Variants in PAFAH1B2 observed in about 807,000 individuals in gnomAD.
PAFAH1B2 encodes platelet-activating factor acetylhydrolase IB subunit alpha2.
In PAFAH1B2, 8 loss-of-function variants were observed where a neutral mutation model predicts 28.0. The observed-to-expected ratio is 0.29, with a 90% CI of 0.17 to 0.52. The LOEUF (loss-of-function observed/expected upper bound fraction) is 0.52. Among genes scored for constraint, PAFAH1B2 ranks in the 20% least tolerant of loss-of-function variants. PAFAH1B2 has a pLI of 0.97. For synonymous variants in PAFAH1B2, 104 were observed against 103.2 expected (o/e 1.01, Z -0.05); for missense variants, 190 against 282.6 (o/e 0.67, Z 2.35).
intron 5 of PAFAH1B2, among the ~76,000 whole-genome samples, chr11:117,164,966 T>C (rs977802123): frequency 6.7e-6 from 1 of 149,644 alleles, no homozygotes. Flanking sequence ...TTCTTTTTTT[T>C]TTTTTTTGAG....
Position 117,168,488 on chromosome 11 carries a change from A to C in PAFAH1B2, c.*789A>C. On this transcript the variant is annotated 3_prime_UTR_variant, in exon 6 of 6. Transcript: ENST00000527958. Reference sequence around the variant, plus strand: ...TTTTTTTTTGGTTCTTGTTGACATTACAAGCTTTTAACACATTTTTGACCT... The same window carrying C: ...TTTTTTTTTGGTTCTTGTTGACATTCCAAGCTTTTAACACATTTTTGACCT... 5 of 519,304 alleles carry C rather than the reference A, an allele frequency of 9.6e-6. No homozygotes were observed. Among genetic ancestry groups the C allele is most frequent in the Non-Finnish European group, 1.1e-5 (5 of 443,062 alleles). The allele number at this position is 519,304 out of a possible 1,614,324, so 32.2% of individuals were successfully genotyped here. A position where few individuals can be genotyped will look rare whatever the true frequency, so the allele number is the denominator to read the frequency against.
chr11:117,159,844 G>C (rs967596828), intron 2 of PAFAH1B2, 90 bp from the exon 3 acceptor site: 2 of 857,682 alleles, frequency 2.3e-6, no homozygotes, highest in East Asian at 4.8e-5. Flanking sequence ...TCCTGTCCTG[G>C]CCTCCCAAAA....
At chr11:117,172,341 T>G (rs1956666414), downstream of PAFAH1B2, among the ~76,000 whole-genome samples, 1 of 130,124 alleles carries the variant, frequency 7.7e-6, no homozygotes, top group Non-Finnish European at 1.7e-5. Context: ...GCTGGTTCAT[T>G]CTAGCTTTAT....
chr11:117,163,738 T>A, intron 4 of PAFAH1B2, 32 bp from the exon 5 acceptor site: 2 of 1,609,894 alleles, frequency 1.2e-6, no homozygotes, highest in Non-Finnish European at 1.7e-6. Context: ...GGTATTTATC[T>A]TCTCCTTCCC....
chr11:117,170,920 C>A lies in PAFAH1B2; in HGVS notation c.*3221C>A. 1 of 1,058,794 alleles carries A rather than the reference C, an allele frequency of 9.4e-7. No homozygotes were observed. Among genetic ancestry groups the A allele is most frequent in the Non-Finnish European group, 1.1e-6 (1 of 875,158 alleles). The allele number at this position is 1,058,794 out of a possible 1,614,324, so 65.6% of individuals were successfully genotyped here. ...TCTTGGTGTTCCTGCTTGGGGATCA[C>A]TGCTGCTAGCTGACTGGACCTCCCC... is the stretch of plus-strand genomic sequence containing the variant. On this transcript the variant is annotated 3_prime_UTR_variant, in exon 6 of 6. Transcript: ENST00000527958.
downstream of PAFAH1B2, among the ~76,000 whole-genome samples, chr11:117,174,164 T>TTGTGTGTGTGTGTG (rs55735449): frequency 0.026 from 3,548 of 138,840 alleles, 64 homozygotes; most frequent in Non-Finnish European, 0.035. Context: ...TTCATGTCTT[T>TTGTGTGTGTGTGTG]TGTGTGTGTG....
downstream of PAFAH1B2, among the ~76,000 whole-genome samples, chr11:117,174,537 G>A (rs1162728645): frequency 7.0e-6 from 1 of 143,510 alleles, no homozygotes; most frequent in Non-Finnish European, 1.5e-5. Context: ...GGCATGCAAT[G>A]GCGTGATCTC....
intron 2 of PAFAH1B2, among the ~76,000 whole-genome samples, chr11:117,156,673 A>C (rs905809625): frequency 2.6e-5 from 4 of 152,168 alleles, no homozygotes; most frequent in African/African-American, 9.7e-5. Flanking sequence ...AACCTTTAGC[A>C]TAGCAGTCTT....
intron 4 of PAFAH1B2, 60 bp from the exon 5 acceptor site, chr11:117,163,710 G>A: frequency 6.6e-7 from 1 of 1,519,818 alleles, no homozygotes; most frequent in Non-Finnish European, 9.0e-7. Flanking sequence ...CTAAATGTTG[G>A]ACGTTCCTTT....
chr11:117,150,700 A>G (rs1336285690), intron 1 of PAFAH1B2, among the ~76,000 whole-genome samples: 1 of 152,150 alleles, frequency 6.6e-6, no homozygotes, highest in African/African-American at 2.4e-5. Context: ...CTTCTTTCTG[A>G]GAAAGCTTAG....
At chr11:117,157,999 ATGG>A (rs1565266727) in intron 2 of PAFAH1B2, among the ~76,000 whole-genome samples, 1 of 151,982 alleles carries the variant, frequency 6.6e-6, no homozygotes, top group African/African-American at 2.4e-5. Flanking sequence ...TTAGCTGGGC[ATGG>A]TGGTGGGCGC....
intron 2 of PAFAH1B2, 56 bp downstream of exon 2, chr11:117,152,584 T>G: frequency 7.7e-7 from 1 of 1,300,232 alleles, no homozygotes; most frequent in Non-Finnish European, 1.1e-6. Flanking sequence ...GTTTTTTGTC[T>G]GTTTTGTTTT....
downstream of PAFAH1B2, chr11:117,176,022 A>T (rs1450687667): frequency 1.9e-6 from 2 of 1,057,612 alleles, no homozygotes; most frequent in South Asian, 2.7e-5. Flanking sequence ...CTCATGATGA[A>T]GAAACCTCTT....
chr11:117,153,352 C>G (rs1322285580), intron 2 of PAFAH1B2, among the ~76,000 whole-genome samples: 1 of 148,472 alleles, frequency 6.7e-6, no homozygotes, highest in Non-Finnish European at 1.5e-5. Context: ...ATTATTGTGT[C>G]TGTATCTATT....
downstream of PAFAH1B2, chr11:117,174,823 C>A: frequency 1.0e-6 from 1 of 956,412 alleles, no homozygotes; most frequent in African/African-American, 1.7e-5. Context: ...CCATGTTGGC[C>A]AGGCTGGTCT....
chr11:117,154,580 G>A (rs1290668791), intron 2 of PAFAH1B2, among the ~76,000 whole-genome samples: 1 of 152,050 alleles, frequency 6.6e-6, no homozygotes, highest in African/African-American at 2.4e-5. Context: ...GGGACCACAG[G>A]TGCATGCCAC....
At chr11:117,156,873 C>A (rs1956265843) in intron 2 of PAFAH1B2, among the ~76,000 whole-genome samples, 1 of 151,768 alleles carries the variant, frequency 6.6e-6, no homozygotes, top group African/African-American at 2.4e-5. Context: ...AAAATAAAAG[C>A]CGGATATGGT....
Position 117,167,416 on chromosome 11 carries a change from C to A in PAFAH1B2, c.412-5C>A. ...TCTAATTTAATGTTTTCCACTGTGC[C>A]CCAGGGTTTGTTACCTCGAGGTGAG... On this transcript the variant is annotated splice_region_variant and splice_polypyrimidine_tract_variant and intron_variant, in intron 5 of 5. Transcript: ENST00000527958. The A allele has an allele frequency of 1.3e-6, 2 of 1,571,730 alleles. No homozygotes were observed. Among genetic ancestry groups the A allele is most frequent in the Admixed American group, 1.8e-5 (1 of 56,976 alleles).
chr11:117,162,727 C>G (rs927595086), intron 4 of PAFAH1B2, among the ~76,000 whole-genome samples: 1 of 152,000 alleles, frequency 6.6e-6, no homozygotes, highest in Non-Finnish European at 1.5e-5. Context: ...GCACTCCAGC[C>G]TGGGTGACAG....
Sources: allele counts gnomAD v4.1 joint callset (sites outside exome capture counted in the v4.1 genomes callset), GRCh38; gene constraint gnomAD v4.1.1; transcripts MANE v1.5; gene names NCBI Gene and HGNC (gene_info 2026-07-23, HGNC 2026-07-21).